Variants in HOMER2 observed in about 807,000 individuals in gnomAD.
HOMER2 encodes homer scaffold protein 2.
A neutral mutation model predicts 47.0 loss-of-function variants in HOMER2; 27 were observed. The observed-to-expected ratio is 0.57, with a 90% confidence interval of 0.42 to 0.79. The LOEUF is 0.79. HOMER2 is among the 30% of genes least tolerant of loss of function. HOMER2 has a pLI of 0.00. For synonymous variants in HOMER2, 161 were observed against 163.8 expected (o/e 0.98, Z 0.13); for missense variants, 443 against 435.0 (o/e 1.02, Z -0.16).
intron 1 of HOMER2, among the ~76,000 whole-genome samples, chr15:82,919,872 C>T (rs546315262): frequency 3.3e-5 from 5 of 152,312 alleles, no homozygotes; most frequent in East Asian, 1.9e-4. Flanking sequence ...CGGTATCTTT[C>T]GTGCACTTCA....
intron 1 of HOMER2, among the ~76,000 whole-genome samples, chr15:82,941,693 G>A (rs1231711033): frequency 1.3e-5 from 2 of 151,780 alleles, no homozygotes; most frequent in African/African-American, 4.8e-5. Flanking sequence ...CCACTCACAG[G>A]ATTAACTCCC....
At chr15:82,942,634 G>T (rs1349353739) in intron 1 of HOMER2, among the ~76,000 whole-genome samples, 3 of 152,194 alleles carry the variant, frequency 2.0e-5, no homozygotes, top group Non-Finnish European at 4.4e-5. Flanking sequence ...AATAATCAAT[G>T]AGGAGCTCCC....
chr15:82,969,617 G>A (rs1487391684), intron 1 of HOMER2, among the ~76,000 whole-genome samples: 1 of 152,146 alleles, frequency 6.6e-6, no homozygotes, highest in African/African-American at 2.4e-5. Context: ...TAGAGATCCA[G>A]GAACTAAAGC....
chr15:82,848,189 T>C (rs533000302), downstream of HOMER2, among the ~76,000 whole-genome samples: 1 of 152,304 alleles, frequency 6.6e-6, no homozygotes, highest in South Asian at 2.1e-4. Flanking sequence ...CGTGTTCACC[T>C]TGGGGCCCAG....
At chr15:82,851,002 T>C in intron 8 of HOMER2, 149 bp downstream of exon 8, 1 of 641,560 alleles carries the variant, frequency 1.6e-6, no homozygotes, top group South Asian at 1.9e-5. Flanking sequence ...CGGTGCCATC[T>C]GGCGTGCAGT....
chr15:82,897,769 T>C (rs759859390), intron 1 of HOMER2, among the ~76,000 whole-genome samples: 2 of 152,176 alleles, frequency 1.3e-5, no homozygotes. Context: ...CCAACTCCCT[T>C]GGAGGAATGG....
chr15:82,924,033 G>A (rs1214366144), intron 1 of HOMER2, among the ~76,000 whole-genome samples: 2 of 152,332 alleles, frequency 1.3e-5, no homozygotes, highest in South Asian at 2.1e-4. Flanking sequence ...TAGAGAGACA[G>A]AGAAAGAGAG....
At chr15:82,912,409 A>G (rs1242342863) in intron 1 of HOMER2, among the ~76,000 whole-genome samples, 2 of 152,182 alleles carry the variant, frequency 1.3e-5, no homozygotes, top group Non-Finnish European at 2.9e-5. Flanking sequence ...ATGTCAATAT[A>G]TATCAGTGTT....
chr15:82,862,129 A>G (rs1346772437), intron 4 of HOMER2, among the ~76,000 whole-genome samples: 1 of 151,014 alleles, frequency 6.6e-6, no homozygotes, highest in East Asian at 2.0e-4. Flanking sequence ...TCTCGAACTC[A>G]TGAGCTCAGG....
intron 1 of HOMER2, among the ~76,000 whole-genome samples, chr15:82,948,308 G>A (rs1040227273): frequency 1.3e-4 from 20 of 151,046 alleles, no homozygotes; most frequent in African/African-American, 4.9e-4. Flanking sequence ...GGAGAATGGC[G>A]TGAACCCGGG....
At chr15:82,864,312 T>G (rs1596310017) in intron 3 of HOMER2, 53 bp from the exon 4 acceptor site, 1 of 1,205,586 alleles carries the variant, frequency 8.3e-7, no homozygotes, top group Non-Finnish European at 1.2e-6. Flanking sequence ...TCATGGCTGG[T>G]ATTCAGAACC....
chr15:82,853,529 G>A (rs914853263), intron 6 of HOMER2, among the ~76,000 whole-genome samples: 1 of 152,180 alleles, frequency 6.6e-6, no homozygotes, highest in African/African-American at 2.4e-5. Flanking sequence ...GTCGGGCAGG[G>A]CAGGGGAGAA....
chr15:82,945,944 T>C (rs2054370340), intron 1 of HOMER2, among the ~76,000 whole-genome samples: 1 of 151,030 alleles, frequency 6.6e-6, no homozygotes, highest in Non-Finnish European at 1.5e-5. Context: ...CACTCCAGCA[T>C]GGGCAACAGA....
At chr15:82,861,705 A>G (rs2051795969) in intron 4 of HOMER2, among the ~76,000 whole-genome samples, 1 of 152,124 alleles carries the variant, frequency 6.6e-6, no homozygotes, top group Admixed American at 6.6e-5. Flanking sequence ...TGTGATTACT[A>G]ATTTTAAAAA....
chr15:82,940,770 G>A (rs546336368), intron 1 of HOMER2, among the ~76,000 whole-genome samples: 2 of 152,100 alleles, frequency 1.3e-5, no homozygotes, highest in African/African-American at 4.8e-5. Flanking sequence ...GCATGTGCCT[G>A]CGGCCCCAGC....
In HOMER2 at chr15:82,864,210, T is replaced by A. The variant is rs777501352; in HGVS notation, c.344A>T (p.Asp115Val). The A allele has an allele frequency of 1.2e-6, 2 of 1,612,554 alleles. No homozygotes were observed. Among genetic ancestry groups the A allele is most frequent in the South Asian group, 2.2e-5 (2 of 90,850 alleles). The change falls in exon 4 of 9, where the codon GAC becomes GTC. Residue 115 changes from aspartate (D) to valine (V), a missense_variant. Coordinates refer to ENST00000450735, the MANE Select transcript of HOMER2 (RefSeq NM_004839.4). ...EVKEAAKIAK[D>V]KTQEKIETSS... ...GGTCTCGATTTTCTCCTGCGTCTTG[T>A]CTTTGGCTATCTTGGCAGCTTCTTT...
At chr15:82,922,651 C>T (rs917356569) in intron 1 of HOMER2, among the ~76,000 whole-genome samples, 2 of 152,126 alleles carry the variant, frequency 1.3e-5, no homozygotes, top group Non-Finnish European at 2.9e-5. Context: ...GCTTGATTCC[C>T]TTGTACTACA....
chr15:82,870,823 G>T (rs1256441), intron 3 of HOMER2, among the ~76,000 whole-genome samples: 70,611 of 152,022 alleles, frequency 0.46, 16,503 homozygotes, highest in East Asian at 0.61. Context: ...CACGTATCGG[G>T]GTTTGGCCAG....
chr15:82,969,151 C>T (rs1294580282), intron 1 of HOMER2, among the ~76,000 whole-genome samples: 2 of 152,164 alleles, frequency 1.3e-5, no homozygotes, highest in East Asian at 1.9e-4. Context: ...TGCACTGCAT[C>T]GATACACCAT....
Sources: allele counts gnomAD v4.1 joint callset (sites outside exome capture counted in the v4.1 genomes callset), GRCh38; gene constraint gnomAD v4.1.1; transcripts MANE v1.5; gene names NCBI Gene and HGNC (gene_info 2026-07-23, HGNC 2026-07-21).